Variants in SLC12A9 observed in about 807,000 individuals in gnomAD.
The protein encoded by SLC12A9 is CCC-interacting protein 1.
SLC12A9 carries 55 observed loss-of-function variants against 66.0 expected under a neutral mutation model. The observed-to-expected ratio is 0.83, with a 90% CI of 0.67 to 1.04. The LOEUF (loss-of-function observed/expected upper bound fraction) is 1.04, where lower values mean the gene tolerates loss of function less well. SLC12A9 is among the 50% of genes least tolerant of loss of function. The pLI is 0.00. For missense variants in SLC12A9, 1,061 were observed against 1,241.9 expected (o/e 0.85, Z 2.19); for synonymous variants, 577 against 569.0 (o/e 1.01, Z -0.20).
chr7:100,832,337 C>G (rs1562979179), intron 1 of SLC12A9, among the ~76,000 whole-genome samples: 1 of 152,096 alleles, frequency 6.6e-6, no homozygotes, highest in Non-Finnish European at 1.5e-5. Context: ...AGACCCCTGT[C>G]TCTACCAGAA....
chr7:100,837,185 C>T (rs1363473848), intron 1 of SLC12A9: 15 of 152,242 alleles, frequency 9.9e-5, no homozygotes, highest in Admixed American at 9.8e-4. Flanking sequence ...TCAAGAGATA[C>T]TCTGGCCTTG....
At chr7:100,827,307 C>T in intron 1 of SLC12A9, 1 of 152,588 alleles carries the variant, frequency 6.6e-6, no homozygotes, top group Non-Finnish European at 1.4e-5. Context: ...GGGGTCCCTC[C>T]GGGGCCTCGG....
At chr7:100,839,877 C>T (rs1447561740) in intron 1 of SLC12A9, among the ~76,000 whole-genome samples, 1 of 151,094 alleles carries the variant, frequency 6.6e-6, no homozygotes, top group East Asian at 1.9e-4. Flanking sequence ...CCCTTCTCTA[C>T]TAAAAATACA....
chr7:100,840,112 CTGATT>C (rs1164246087), intron 1 of SLC12A9, among the ~76,000 whole-genome samples: 1 of 152,140 alleles, frequency 6.6e-6, no homozygotes, highest in Non-Finnish European at 1.5e-5. Context: ...TCTAGATACT[CTGATT>C]TTAGTTTTGA....
At chr7:100,853,809 A>G (rs1157870076) in intron 1 of SLC12A9, among the ~76,000 whole-genome samples, 3 of 150,578 alleles carry the variant, frequency 2.0e-5, no homozygotes, top group Non-Finnish European at 3.0e-5. Context: ...GCTCACTGCA[A>G]CCTCTGCCTC....
At chr7:100,832,157 G>A (rs1358536472) in intron 1 of SLC12A9, among the ~76,000 whole-genome samples, 1 of 151,958 alleles carries the variant, frequency 6.6e-6, no homozygotes, top group Non-Finnish European at 1.5e-5. Context: ...CCGAGATCGC[G>A]CCACTGCACT....
At chr7:100,850,269 T>C (rs1584687277), upstream of SLC12A9, among the ~76,000 whole-genome samples, 1 of 149,928 alleles carries the variant, frequency 6.7e-6, no homozygotes, top group African/African-American at 2.4e-5. Context: ...CTTTTTTTTT[T>C]TTTTTATTGA....
At chr7:100,828,575 AG>A (rs1813476353) in intron 1 of SLC12A9, among the ~76,000 whole-genome samples, 1 of 148,082 alleles carries the variant, frequency 6.8e-6, no homozygotes, top group East Asian at 2.0e-4. Context: ...AAAAAAAAAA[AG>A]GTGGGTGTGT....
intron 2 of SLC12A9, 45 bp from the exon 3 acceptor site, chr7:100,854,575 T>C: frequency 1.2e-6 from 2 of 1,611,794 alleles, no homozygotes; most frequent in Non-Finnish European, 8.5e-7. Flanking sequence ...GTGGGGGATA[T>C]GGGGTGTGAG....
At position 100,854,206 on chromosome 7, in the gene SLC12A9, C is replaced by A. The variant is rs145131568; in HGVS notation, c.9C>A (p.Ser3Arg). The A allele has an allele frequency of 1.7e-5, 27 of 1,565,280 alleles. No individual in the cohort carries two copies. The highest frequency in any genetic ancestry group is 6.9e-5 in the African/African-American group (5 of 72,060). MA[S>R]ESSPLLAYRL... ...TCTACCTGTGCTCAGCCATGGCCAG[C>A]GAGAGCTCACCTCTGCTGGCCTACC... The change falls in exon 2 of 14, where the codon AGC becomes AGA. Residue 3 changes from serine to arginine, a missense_variant. Physicochemically the swap from Ser to Arg is moderately radical, Grantham distance 110 (BLOSUM62 -1). Coordinates refer to ENST00000354161, the MANE Select transcript of SLC12A9 (RefSeq NM_020246.4).
chr7:100,866,267 T>C lies in SLC12A9; in HGVS notation c.2407T>C (p.Trp803Arg), dbSNP rs1562999464. 3 of 1,494,934 alleles carry C rather than the reference T, an allele frequency of 2.0e-6. No homozygotes were observed. In the Admixed American group the frequency reaches 5.9e-5, roughly 30 times the overall value. 92.6% of individuals were successfully genotyped at this position (1,494,934 alleles called of 1,614,324 possible). ...RIRAEVQEVV[W>R]GEGAGAGEPE... Reference sequence around the variant, plus strand: ...CCGGGCTGAGGTGCAGGAGGTGGTGTGGGGCGAGGGGGCCGGGGCTGGGGA... The same window carrying C: ...CCGGGCTGAGGTGCAGGAGGTGGTGCGGGGCGAGGGGGCCGGGGCTGGGGA... Residue 803 changes from tryptophan (W) to arginine (R), a missense_variant, in exon 14 of 14, where the codon TGG becomes CGG. Transcript: ENST00000354161. The surrounding 1 kb of genome is among the most constrained non-coding windows in gnomAD (Gnocchi z 7.3).
chr7:100,859,524 T>C, intron 7 of SLC12A9: 1 of 371,206 alleles, frequency 2.7e-6, no homozygotes, highest in Non-Finnish European at 5.0e-6. Flanking sequence ...CAGACCAGCC[T>C]GGGCAACAGA....
rs753046289 is a variant in SLC12A9, at chr7:100,861,739, G to T, written c.1539G>T (p.Val513=). 9.3e-6 allele frequency: 15 copies of T among 1,614,196 alleles called. No individual in the cohort carries two copies. The highest frequency in any genetic ancestry group is 1.2e-5 in the Non-Finnish European group (14 of 1,180,028). ...CACTGCCTCACCCCTATACCCAGGT[G>T]CGTAAGTATCTGCTTCGGCTGGACG... ...YVSQALLFHQ[V]RKYLLRLDVR... is the part of the protein sequence containing the mutation. Residue 513 remains valine, a splice_region_variant and synonymous_variant, in exon 12 of 14, where the codon GTG becomes GTT. Coordinates refer to ENST00000354161, the MANE Select transcript of SLC12A9 (RefSeq NM_020246.4). This position sits in a 1 kb window ranked among gnomAD's most constrained non-coding sequence, Gnocchi z 5.3.
Position 100,865,841 on chromosome 7 carries a change from G to T in SLC12A9, c.1981G>T (p.Ala661Ser), listed in dbSNP as rs753448185. 15 of 1,613,744 alleles carry T rather than the reference G, an allele frequency of 9.3e-6. No individual in the cohort carries two copies. The highest frequency in any genetic ancestry group is 1.2e-5 in the Non-Finnish European group (14 of 1,180,024). Residue 661 changes from alanine to serine, a missense_variant, in exon 14 of 14, where the codon GCT becomes TCT. Coordinates refer to ENST00000354161, the MANE Select transcript of SLC12A9 (RefSeq NM_020246.4). ...CAGCACCAGGGAGGGCAGTTCCCCA[G>T]CTCTGAGCACCCTGTTCCCTCCTCC... ...ADSTREGSSP[A>S]LSTLFPPPRA...
At chr7:100,826,869 A>T in exon 1 of SLC12A9, 2 of 1,235,756 alleles carry the variant, frequency 1.6e-6, no homozygotes, top group Non-Finnish European at 2.2e-6. Flanking sequence ...TTGGGACTGC[A>T]GTGCCCGGGT....
intron 1 of SLC12A9, among the ~76,000 whole-genome samples, chr7:100,846,154 T>A (rs1406574886): frequency 6.6e-6 from 1 of 152,230 alleles, no homozygotes; most frequent in Non-Finnish European, 1.5e-5. Context: ...GAGGCCATGT[T>A]TAGAAAATGG....
chr7:100,845,587 G>T (rs983771937), intron 1 of SLC12A9, among the ~76,000 whole-genome samples: 2 of 152,094 alleles, frequency 1.3e-5, no homozygotes, highest in Non-Finnish European at 1.5e-5. Context: ...CTGCCCTTGT[G>T]ATCCACCCGC....
At chr7:100,862,535 G>A (rs1814821642) in intron 12 of SLC12A9, 146 bp from the exon 13 acceptor site, 6 of 962,340 alleles carry the variant, frequency 6.2e-6, no homozygotes, top group East Asian at 2.6e-5. Context: ...CATGAGCCCC[G>A]ACACCAGCCC....
intron 7 of SLC12A9, 76 bp from the exon 8 acceptor site, chr7:100,859,809 T>A (rs539487670): frequency 6.6e-7 from 1 of 1,507,784 alleles, no homozygotes; most frequent in South Asian, 1.2e-5. Context: ...CTGAGTCTGA[T>A]CCTTAAGATC....
Sources: gnomAD v4.1 joint callset for allele counts (sites outside exome capture counted in the v4.1 genomes callset) on GRCh38, gnomAD v4.1.1 for gene constraint, Gnocchi (gnomAD v3.1) non-coding constraint, MANE v1.5 for transcripts, NCBI Gene and HGNC (gene_info 2026-07-23, HGNC 2026-07-21) for gene names.